THSD7B: variants seen among roughly 807,000 people sequenced by gnomAD.
THSD7B encodes thrombospondin type 1 domain containing 7B.
In THSD7B, 138 loss-of-function variants were observed where a neutral mutation model predicts 213.6. That is an observed-to-expected ratio of 0.65 (90% CI 0.56 to 0.74). The LOEUF (loss-of-function observed/expected upper bound fraction) is 0.74, where lower values mean the gene tolerates loss of function less well. Among genes scored for constraint, THSD7B ranks in the 30% least tolerant of loss-of-function variants. THSD7B has a pLI of 0.00. For missense variants in THSD7B, 1,931 were observed against 1,991.5 expected, an observed-to-expected ratio of 0.97 and a Z score of 0.58; for synonymous variants, 742 against 687.0, an observed-to-expected ratio of 1.08 and a Z score of -1.25.
In THSD7B at chr2:137,500,319, A is replaced by G. The variant is rs142441593; in HGVS notation, c.3138+49296A>G. 2.0e-5 allele frequency among the ~76,000 whole-genome samples: 3 copies of G among 151,120 alleles called. No individual in the cohort carries two copies. The East Asian group carries it at 5.8e-4, about 29-fold the overall frequency. ...CAATCTACCACAGGAAAAACAAATTAAAGCAATTATTTGAATAATTCAGAA... is the reference window on the plus strand; with the variant it reads ...CAATCTACCACAGGAAAAACAAATTGAAGCAATTATTTGAATAATTCAGAA... On this transcript the variant is annotated intron_variant, in intron 15 of 27. Coordinates refer to ENST00000409968, the MANE Select transcript of THSD7B (RefSeq NM_001316349.2).
intron 25 of THSD7B, among the ~76,000 whole-genome samples, chr2:137,660,008 ATTCTC>A (rs1218813188): frequency 6.6e-6 from 1 of 151,768 alleles, no homozygotes; most frequent in Non-Finnish European, 1.5e-5. Flanking sequence ...ACCAGTAAGT[ATTCTC>A]AGTTGACTTA....
At chr2:137,355,266 A>T (rs1394575532) in intron 12 of THSD7B, among the ~76,000 whole-genome samples, 1 of 152,168 alleles carries the variant, frequency 6.6e-6, no homozygotes, top group African/African-American at 2.4e-5. Flanking sequence ...CTAACCCTGA[A>T]ATGTGAATGG....
At chr2:136,848,715 T>C (rs1683048808) in intron 1 of THSD7B, among the ~76,000 whole-genome samples, 1 of 152,154 alleles carries the variant, frequency 6.6e-6, no homozygotes, top group African/African-American at 2.4e-5. Context: ...TAGGGGTTTT[T>C]AGTTATGCAA....
intron 17 of THSD7B, among the ~76,000 whole-genome samples, chr2:137,611,558 G>T (rs1682289902): frequency 6.6e-6 from 1 of 151,948 alleles, no homozygotes; most frequent in Admixed American, 6.6e-5. Flanking sequence ...AACTTAGAAT[G>T]GTGACTGACA....
At chr2:137,577,084 A>G (rs985363287) in intron 17 of THSD7B, among the ~76,000 whole-genome samples, 4 of 152,056 alleles carry the variant, frequency 2.6e-5, no homozygotes, top group African/African-American at 9.7e-5. Flanking sequence ...CTTTGATTCA[A>G]GCTGAAAGCC....
At chr2:136,811,564 C>T (rs555243228) in intron 1 of THSD7B, among the ~76,000 whole-genome samples, 2 of 151,962 alleles carry the variant, frequency 1.3e-5, no homozygotes, top group Non-Finnish European at 2.9e-5. Flanking sequence ...CTCCTTTGGC[C>T]CAGTAGCTTA....
intron 15 of THSD7B, among the ~76,000 whole-genome samples, chr2:137,519,939 G>A (rs1680148373): frequency 6.6e-6 from 1 of 152,204 alleles, no homozygotes. Flanking sequence ...AAAGTTTTCA[G>A]TACCTGTTAC....
At chr2:136,792,406 A>G (rs991055821) in intron 1 of THSD7B, among the ~76,000 whole-genome samples, 6 of 152,038 alleles carry the variant, frequency 3.9e-5, no homozygotes, top group African/African-American at 1.4e-4. Flanking sequence ...TTCTTAGGGC[A>G]GTGTGACTAT....
chr2:136,839,617 C>G (rs1460173400), intron 1 of THSD7B, among the ~76,000 whole-genome samples: 4 of 152,200 alleles, frequency 2.6e-5, no homozygotes, highest in Non-Finnish European at 4.4e-5. Flanking sequence ...TCCTAGGAGA[C>G]ACTTGACCTG....
intron 2 of THSD7B, among the ~76,000 whole-genome samples, chr2:136,972,808 G>A (rs1456957964): frequency 6.6e-6 from 1 of 152,102 alleles, no homozygotes; most frequent in Non-Finnish European, 1.5e-5. Context: ...TCAGTGCTTG[G>A]ACTGTACCCC....
chr2:136,948,865 C>T (rs1013026995), intron 2 of THSD7B, among the ~76,000 whole-genome samples: 1 of 151,924 alleles, frequency 6.6e-6, no homozygotes, highest in Non-Finnish European at 1.5e-5. Flanking sequence ...AAAACTATTT[C>T]TGTAAAACAT....
intron 7 of THSD7B, among the ~76,000 whole-genome samples, chr2:137,183,480 A>G (rs773022605): frequency 3.9e-4 from 59 of 152,170 alleles, no homozygotes; most frequent in Non-Finnish European, 1.3e-4. Flanking sequence ...AGCATTATTT[A>G]CAAATCATGA....
Position 137,450,984 on chromosome 2 carries a change from T to C in THSD7B, c.3099T>C (p.Asn1033=). The C allele has an allele frequency of 6.2e-7, 1 of 1,609,320 alleles. No homozygotes were observed. Among genetic ancestry groups the C allele is most frequent in the Non-Finnish European group, 8.5e-7 (1 of 1,177,426 alleles). Residue 1033 remains asparagine, a synonymous_variant, in exon 15 of 28, where the codon AAT becomes AAC. Transcript: ENST00000409968. ...RSKWLKEKPY[N]GGRPCPKLDL... The stretch of plus-strand genomic sequence containing the variant: ...AATGGCTAAAAGAAAAACCTTACAA[T>C]GGAGGACGACCATGTCCCAAACTGG...
rs1170303444 is a variant in THSD7B at position 137,393,714 on chromosome 2, T to C, written c.2501-11899T>C. ...CTGGGTCAAATGGTATTTCTAGCTCTAGATCCCTGAGGAATCACCACACTG... is the reference window on the plus strand; with the variant it reads ...CTGGGTCAAATGGTATTTCTAGCTCCAGATCCCTGAGGAATCACCACACTG... On this transcript the variant is annotated intron_variant, in intron 12 of 27. Transcript: ENST00000409968. 1.4e-5 allele frequency among the ~76,000 whole-genome samples: 2 copies of C among 141,126 alleles called. 1 individual carries two copies. The highest frequency in any genetic ancestry group is 5.2e-5 in the African/African-American group (2 of 38,248). 92.6% of individuals were successfully genotyped at this position (141,126 alleles called of 152,430 possible).
intron 12 of THSD7B, among the ~76,000 whole-genome samples, chr2:137,318,126 T>A (rs1293966071): frequency 2.0e-5 from 3 of 152,182 alleles, no homozygotes; most frequent in African/African-American, 7.2e-5. Context: ...AAGAGGGACC[T>A]ACTTTCGCAC....
At chr2:136,996,042 G>A (rs1197827454) in intron 2 of THSD7B, among the ~76,000 whole-genome samples, 1 of 152,106 alleles carries the variant, frequency 6.6e-6, no homozygotes, top group Non-Finnish European at 1.5e-5. Context: ...ATAACATTTT[G>A]TATCTTTGAA....
intron 26 of THSD7B, among the ~76,000 whole-genome samples, chr2:137,664,261 ATAAGAAATG>A (rs1464241617): frequency 1.3e-5 from 2 of 152,228 alleles, no homozygotes; most frequent in Non-Finnish European, 2.9e-5. Context: ...TCAAGAACTT[ATAAGAAATG>A]TCCAGAGATC....
At chr2:137,258,050 G>C (rs1376164287) in intron 10 of THSD7B, among the ~76,000 whole-genome samples, 2 of 152,106 alleles carry the variant, frequency 1.3e-5, no homozygotes, top group Non-Finnish European at 2.9e-5. Context: ...TGACATGGTT[G>C]AATTGTTTTT....
chr2:136,990,906 A>T (rs1685768194), intron 2 of THSD7B: 29 of 1,349,640 alleles, frequency 2.1e-5, no homozygotes, highest in Non-Finnish European at 2.5e-5. Context: ...ATAACACAGC[A>T]GATGAGGTGG....
Sources: gnomAD v4.1 joint callset for allele counts (sites outside exome capture counted in the v4.1 genomes callset) on GRCh38, gnomAD v4.1.1 for gene constraint, MANE v1.5 for transcripts, NCBI Gene and HGNC (gene_info 2026-07-23, HGNC 2026-07-21) for gene names.